PEAK1: variants seen among roughly 807,000 people sequenced by gnomAD.
PEAK1 encodes the protein pseudopodium enriched atypical kinase 1, also known as inactive tyrosine-protein kinase PEAK1.
A neutral mutation model predicts 124.7 loss-of-function variants in PEAK1; 54 were observed. The observed-to-expected ratio is 0.43, with a 90% CI of 0.35 to 0.54. The LOEUF is 0.54. Among genes scored for constraint, PEAK1 ranks in the 20% least tolerant of loss-of-function variants. The pLI is 0.01. For synonymous variants in PEAK1, 719 were observed against 760.0 expected, an observed-to-expected ratio of 0.95 and a Z score of 0.89; for missense variants, 2,046 against 2,134.5, an observed-to-expected ratio of 0.96 and a Z score of 0.82.
chr15:77,119,342 A>C (rs2051700441), intron 9 of PEAK1, among the ~76,000 whole-genome samples: 1 of 152,248 alleles, frequency 6.6e-6, no homozygotes, highest in Non-Finnish European at 1.5e-5. Flanking sequence ...GCAAAAACAG[A>C]GGCTTGAAGG....
chr15:77,310,968 G>C (rs2064401738), intron 2 of PEAK1, among the ~76,000 whole-genome samples: 1 of 152,174 alleles, frequency 6.6e-6, no homozygotes, highest in Non-Finnish European at 1.5e-5. Flanking sequence ...TTAGGTATTA[G>C]TTTACAGCCT....
At chr15:77,397,973 G>A (rs2071038795) in intron 1 of PEAK1, among the ~76,000 whole-genome samples, 2 of 152,224 alleles carry the variant, frequency 1.3e-5, no homozygotes, top group African/African-American at 4.8e-5. Context: ...GCTGACGCAG[G>A]AGAATCGCTT....
At chr15:77,324,101 A>T (rs2065416859) in intron 2 of PEAK1, among the ~76,000 whole-genome samples, 1 of 152,240 alleles carries the variant, frequency 6.6e-6, no homozygotes, top group Non-Finnish European at 1.5e-5. Flanking sequence ...GACAGGAAAC[A>T]TGTCTTATTT....
At chr15:77,264,593 T>G (rs1016512310) in intron 5 of PEAK1, among the ~76,000 whole-genome samples, 1 of 152,036 alleles carries the variant, frequency 6.6e-6, no homozygotes, top group Non-Finnish European at 1.5e-5. Flanking sequence ...CACTGCTCAA[T>G]GAAATAAAAG....
At chr15:77,372,936 C>T (rs1231682303) in intron 1 of PEAK1, among the ~76,000 whole-genome samples, 1 of 152,184 alleles carries the variant, frequency 6.6e-6, no homozygotes, top group African/African-American at 2.4e-5. Flanking sequence ...CCTGAAGCCT[C>T]ACCAGAACCC....
At chr15:77,358,102 T>C (rs1026984860) in intron 2 of PEAK1, among the ~76,000 whole-genome samples, 19 of 152,220 alleles carry the variant, frequency 1.2e-4, no homozygotes, top group African/African-American at 4.1e-4. Flanking sequence ...GCAAATCTTA[T>C]GTTCTATCAT....
At chr15:77,397,063 C>T (rs146982048) in intron 1 of PEAK1, among the ~76,000 whole-genome samples, 1 of 152,242 alleles carries the variant, frequency 6.6e-6, no homozygotes, top group East Asian at 1.9e-4. Context: ...TGTTAGGCCA[C>T]AAAACCATTC....
intron 2 of PEAK1, among the ~76,000 whole-genome samples, chr15:77,289,166 G>A (rs1351318255): frequency 6.6e-6 from 1 of 152,090 alleles, no homozygotes; most frequent in Admixed American, 6.5e-5. Flanking sequence ...GTACTATCCT[G>A]TACTTTCATT....
chr15:77,292,490 CAA>C (rs545840868), intron 2 of PEAK1, among the ~76,000 whole-genome samples: 2 of 136,724 alleles, frequency 1.5e-5, no homozygotes, highest in Non-Finnish European at 1.6e-5. Flanking sequence ...GCAAAATTAC[CAA>C]AAAAAAAAAG....
intron 1 of PEAK1, among the ~76,000 whole-genome samples, chr15:77,384,721 T>C (rs965097560): frequency 2.6e-5 from 4 of 152,222 alleles, no homozygotes; most frequent in Non-Finnish European, 5.9e-5. Flanking sequence ...TTCATCAACA[T>C]GTGTGCCAAC....
At chr15:77,293,584 TAGTC>T (rs2063335524) in intron 2 of PEAK1, among the ~76,000 whole-genome samples, 1 of 152,242 alleles carries the variant, frequency 6.6e-6, no homozygotes. Flanking sequence ...CTGGCCACGT[TAGTC>T]AGTCTTCCAT....
intron 2 of PEAK1, chr15:77,351,601 G>C (rs762507897): frequency 1.7e-6 from 1 of 600,228 alleles, no homozygotes; most frequent in Non-Finnish European, 2.1e-6. Context: ...GTATGCTCAG[G>C]CCCACTCCCA....
At chr15:77,269,191 G>T (rs1427425641) in intron 5 of PEAK1, among the ~76,000 whole-genome samples, 1 of 151,954 alleles carries the variant, frequency 6.6e-6, no homozygotes, top group African/African-American at 2.4e-5. Context: ...GAAAGTAATG[G>T]GCCGAAATGC....
intron 7 of PEAK1, among the ~76,000 whole-genome samples, chr15:77,160,409 G>C (rs957911724): frequency 6.6e-6 from 1 of 152,146 alleles, no homozygotes; most frequent in East Asian, 1.9e-4. Flanking sequence ...CAGGTTCAGT[G>C]GCTCGCACCT....
intron 6 of PEAK1, among the ~76,000 whole-genome samples, chr15:77,204,425 G>A (rs1299167850): frequency 6.6e-6 from 1 of 152,162 alleles, no homozygotes; most frequent in East Asian, 1.9e-4. Context: ...GAAAACTTAT[G>A]TCCAAACAAA....
At chr15:77,212,762 A>G (rs2058963571) in intron 6 of PEAK1, among the ~76,000 whole-genome samples, 2 of 152,210 alleles carry the variant, frequency 1.3e-5, no homozygotes, top group African/African-American at 4.8e-5. Context: ...CCTATGAAAA[A>G]GTCATAAATT....
At position 77,332,142 on chromosome 15, in the gene PEAK1, ATTT is replaced by A. The variant is rs1174143890; in HGVS notation, c.-603+33018_-603+33020del. 9.3e-5 allele frequency: 85 copies of A among 915,586 alleles called. No individual in the cohort carries two copies. In the African/African-American group the frequency reaches 1.3e-3, roughly 14 times the overall value. 56.7% of individuals were successfully genotyped at this position (915,586 alleles called of 1,614,324 possible). A position where few individuals can be genotyped will look rare whatever the true frequency, so the allele number is the denominator to read the frequency against. On this transcript the variant is annotated intron_variant, in intron 2 of 9. Coordinates refer to ENST00000682557, the MANE Select transcript of PEAK1 (RefSeq NM_001385026.1). Reference sequence around the variant, plus strand: ...CCATCTCAAAAAAATATAAAAATAAATTTAAAAATAAGTTGCTTTAGAGAATAG... The same window carrying A: ...CCATCTCAAAAAAATATAAAAATAAAAAAAATAAGTTGCTTTAGAGAATAG...
At chr15:77,149,086 G>A (rs191858856) in intron 8 of PEAK1, among the ~76,000 whole-genome samples, 3 of 152,272 alleles carry the variant, frequency 2.0e-5, no homozygotes, top group Non-Finnish European at 1.5e-5. Flanking sequence ...TTTGGATGAG[G>A]AAATTGAAGC....
At chr15:77,413,249 C>A (rs375577297) in intron 1 of PEAK1, among the ~76,000 whole-genome samples, 1 of 152,164 alleles carries the variant, frequency 6.6e-6, no homozygotes, top group Admixed American at 6.5e-5. Context: ...TCCACAAATT[C>A]TTTTATACTT....
Sources: gnomAD v4.1 joint callset for allele counts (sites outside exome capture counted in the v4.1 genomes callset) on GRCh38, gnomAD v4.1.1 for gene constraint, MANE v1.5 for transcripts, NCBI Gene and HGNC (gene_info 2026-07-23, HGNC 2026-07-21) for gene names.